FBXL20: variants seen among roughly 807,000 people sequenced by gnomAD.
The protein encoded by FBXL20 is F-box/LRR-repeat protein 20.
A neutral mutation model predicts 64.0 loss-of-function variants in FBXL20; 11 were observed. That is an observed-to-expected ratio of 0.17 (90% CI 0.11 to 0.28). The LOEUF (loss-of-function observed/expected upper bound fraction) is 0.28, where lower values mean the gene tolerates loss of function less well. Ranked by LOEUF, FBXL20 falls within the 10% of genes least tolerant of loss-of-function variation. The pLI is 1.00. For synonymous variants in FBXL20, 184 were observed against 189.0 expected, an observed-to-expected ratio of 0.97 and a Z score of 0.22; for missense variants, 303 against 526.2, an observed-to-expected ratio of 0.58 and a Z score of 4.15.
intron 2 of FBXL20, among the ~76,000 whole-genome samples, chr17:39,328,945 T>G (rs2047435129): frequency 6.6e-6 from 1 of 152,110 alleles, no homozygotes; most frequent in South Asian, 2.1e-4. Context: ...TCCCAGCTAC[T>G]CAGGAGACAG....
intron 1 of FBXL20, among the ~76,000 whole-genome samples, chr17:39,361,347 A>T (rs1461955585): frequency 6.6e-6 from 1 of 152,184 alleles, no homozygotes; most frequent in Non-Finnish European, 1.5e-5. Flanking sequence ...ATAGTTTGAT[A>T]AACTAACTAT....
intron 2 of FBXL20, among the ~76,000 whole-genome samples, chr17:39,312,363 G>A (rs964008123): frequency 6.0e-5 from 9 of 150,954 alleles, no homozygotes; most frequent in Admixed American, 4.0e-4. Flanking sequence ...GCAGTGAGCC[G>A]AGATTGTGCC....
At chr17:39,262,460 T>C (rs1324142985) in intron 14 of FBXL20, among the ~76,000 whole-genome samples, 2 of 151,952 alleles carry the variant, frequency 1.3e-5, no homozygotes, top group Non-Finnish European at 2.9e-5. Context: ...TTTGTATTTT[T>C]AGTTGAGATG....
chr17:39,253,534 C>A lies in FBXL20; in HGVS notation c.*7926G>T, dbSNP rs1377580615. 3 of 152,344 alleles carry A rather than the reference C, an allele frequency of 2.0e-5. No homozygotes were observed. 9.4% of individuals were successfully genotyped at this position (152,344 alleles called of 1,614,324 possible). A position where few individuals can be genotyped will look rare whatever the true frequency, so the allele number is the denominator to read the frequency against. On this transcript the variant is annotated 3_prime_UTR_variant, in exon 15 of 15. Coordinates refer to ENST00000264658, the MANE Select transcript of FBXL20 (RefSeq NM_032875.3). ...GATACTCAGGGCTCCAAGAGCCACA[C>A]CATGGTGAGAAAGGACATGGGTAGC...
intron 12 of FBXL20, among the ~76,000 whole-genome samples, chr17:39,268,130 T>A (rs193062232): frequency 5.2e-4 from 79 of 152,238 alleles, no homozygotes; most frequent in Middle Eastern, 3.4e-3. Flanking sequence ...GCCAAGTGGA[T>A]CACCTGAGGT....
At chr17:39,286,104 G>T (rs768441673) in intron 6 of FBXL20, among the ~76,000 whole-genome samples, 23 of 152,258 alleles carry the variant, frequency 1.5e-4, no homozygotes, top group South Asian at 6.2e-4. Flanking sequence ...ACTTTTTTCT[G>T]CTGGTCAAGT....
chr17:39,271,301 A>G (rs1045373324), intron 10 of FBXL20, among the ~76,000 whole-genome samples: 1 of 151,938 alleles, frequency 6.6e-6, no homozygotes, highest in African/African-American at 2.4e-5. Context: ...AAATTGCTTT[A>G]AAAAAAATGT....
intron 2 of FBXL20, among the ~76,000 whole-genome samples, chr17:39,318,843 T>TA (rs2047321704): frequency 1.3e-5 from 2 of 152,106 alleles, no homozygotes; most frequent in Admixed American, 6.6e-5. Context: ...AGAAACTCCC[T>TA]AAAAAAGAAG....
intron 6 of FBXL20, among the ~76,000 whole-genome samples, chr17:39,289,234 T>C (rs1398556316): frequency 1.3e-5 from 2 of 152,248 alleles, no homozygotes; most frequent in Admixed American, 1.3e-4. Flanking sequence ...TTCGTTATTC[T>C]AGAACCTCTG....
intron 2 of FBXL20, among the ~76,000 whole-genome samples, chr17:39,333,834 G>A (rs879993270): frequency 1.4e-4 from 21 of 151,168 alleles, no homozygotes; most frequent in Admixed American, 4.0e-4. Context: ...CTGCCCCGCC[G>A]CCACCCCGTC....
intron 1 of FBXL20, among the ~76,000 whole-genome samples, chr17:39,399,878 A>G (rs913769362): frequency 6.6e-6 from 1 of 152,236 alleles, no homozygotes; most frequent in South Asian, 2.1e-4. Flanking sequence ...GCAAACTGAT[A>G]AAGAGCTAAT....
At chr17:39,399,475 C>G (rs916705401) in intron 1 of FBXL20, among the ~76,000 whole-genome samples, 15 of 152,186 alleles carry the variant, frequency 9.9e-5, no homozygotes, top group Admixed American at 9.2e-4. Flanking sequence ...AAGAAGTACT[C>G]AATGAACTTC....
chr17:39,297,759 G>A (rs1313462675), intron 5 of FBXL20, among the ~76,000 whole-genome samples: 2 of 151,920 alleles, frequency 1.3e-5, no homozygotes. Context: ...CTTTTGAGAT[G>A]GAATCTCTCT....
At chr17:39,337,049 T>G (rs1281998636) in intron 2 of FBXL20, among the ~76,000 whole-genome samples, 2 of 152,036 alleles carry the variant, frequency 1.3e-5, no homozygotes, top group Non-Finnish European at 1.5e-5. Context: ...GAAGCTGGAC[T>G]GTACTGCTGC....
intron 1 of FBXL20, among the ~76,000 whole-genome samples, chr17:39,344,865 A>G (rs1318102513): frequency 2.0e-5 from 3 of 152,220 alleles, no homozygotes; most frequent in Non-Finnish European, 4.4e-5. Context: ...ACAGTGCTTC[A>G]TAACTGCCAC....
At chr17:39,304,093 G>C (rs1368958058) in intron 2 of FBXL20, among the ~76,000 whole-genome samples, 1 of 152,124 alleles carries the variant, frequency 6.6e-6, no homozygotes, top group Non-Finnish European at 1.5e-5. Context: ...TGAGCAATCT[G>C]TGAAGATAAT....
chr17:39,314,547 G>A (rs1169623934), intron 2 of FBXL20, among the ~76,000 whole-genome samples: 2 of 151,974 alleles, frequency 1.3e-5, no homozygotes, highest in African/African-American at 4.8e-5. Flanking sequence ...ATATAGTAGA[G>A]ACAGAGTTTC....
chr17:39,275,627 C>T (rs1008298885), intron 9 of FBXL20, among the ~76,000 whole-genome samples: 1 of 151,394 alleles, frequency 6.6e-6, no homozygotes, highest in African/African-American at 2.4e-5. Context: ...CCAGGCTGGT[C>T]TCGAATTCCT....
Position 39,401,265 on chromosome 17 carries a change from G to A in FBXL20, c.42+96C>T, listed in dbSNP as rs977418144. The A allele has an allele frequency of 1.3e-5, 20 of 1,596,692 alleles. No homozygotes were observed. In the African/African-American group the frequency reaches 2.4e-4, roughly 19 times the overall value. ...GCCCCGCCAGTGGGTGGGTGACGGC[G>A]CCTGCCAGGGAGGAGGCTCCGTGCG... is the stretch of plus-strand genomic sequence containing the variant. On this transcript the variant is annotated intron_variant, in intron 1 of 14. Coordinates refer to ENST00000264658, the MANE Select transcript of FBXL20 (RefSeq NM_032875.3).
Sources: allele counts gnomAD v4.1 joint callset (sites outside exome capture counted in the v4.1 genomes callset), GRCh38; gene constraint gnomAD v4.1.1; transcripts MANE v1.5; gene names NCBI Gene and HGNC (gene_info 2026-07-23, HGNC 2026-07-21).